The following ABCA13 variants were observed in gnomAD, a reference collection of about 807,000 sequenced individuals.
ABCA13 encodes the protein ATP binding cassette subfamily A member 13.
A neutral mutation model predicts 478.7 loss-of-function variants in ABCA13; 476 were observed. The ratio of observed to expected loss-of-function variants is 0.99; its 90% CI spans 0.92 to 1.07. The LOEUF (loss-of-function observed/expected upper bound fraction) is 1.07. Among genes scored for constraint, ABCA13 ranks in the 50% least tolerant of loss-of-function variants. The probability of loss-of-function intolerance (pLI) is 0.00; values close to 1 mark genes in which losing one functional copy is unlikely to be tolerated. For synonymous variants in ABCA13, 2,252 were observed against 2,158.9 expected (o/e 1.04, Z -1.20); for missense variants, 6,060 against 5,910.6 (o/e 1.03, Z -0.83).
At chr7:48,567,314 T>C (rs1211825911) in intron 55 of ABCA13, among the ~76,000 whole-genome samples, 1 of 152,140 alleles carries the variant, frequency 6.6e-6, no homozygotes, top group African/African-American at 2.4e-5. Flanking sequence ...AAAATGAGTA[T>C]GGGCCTTGGG....
At chr7:48,609,693 T>C (rs1791826406) in intron 58 of ABCA13, among the ~76,000 whole-genome samples, 1 of 152,224 alleles carries the variant, frequency 6.6e-6, no homozygotes, top group African/African-American at 2.4e-5. Context: ...TAGCCATATT[T>C]CTGTACTAAT....
chr7:48,276,191 A>G lies in ABCA13; in HGVS notation c.6525A>G (p.Ile2175Met), dbSNP rs1198582166. Residue 2175 changes from isoleucine (I) to methionine (M), a missense_variant, in exon 17 of 62, where the codon ATA (isoleucine) becomes ATG (methionine). By Grantham distance (10) the Ile-to-Met change is conservative. Coordinates refer to ENST00000435803, the MANE Select transcript of ABCA13 (RefSeq NM_152701.5). Reference sequence around the variant, plus strand: ...CTTTTTGGGGCTCTTTAAAAAATATATCTAGAGCAGGCAATTTTGATGTTG... The same window carrying G: ...CTTTTTGGGGCTCTTTAAAAAATATGTCTAGAGCAGGCAATTTTGATGTTG... ...IATFWGSLKN[I>M]SRAGNFDVAF... The G allele has an allele frequency of 2.5e-6, 4 of 1,591,948 alleles. No individual in the cohort carries two copies. In the South Asian group the frequency reaches 4.6e-5, roughly 18 times the overall value.
chr7:48,462,452 C>G (rs185598375), intron 43 of ABCA13, among the ~76,000 whole-genome samples: 22 of 152,012 alleles, frequency 1.4e-4, no homozygotes, highest in Middle Eastern at 6.8e-3. Context: ...TTCCCCCCCC[C>G]CTACTGTTTC....
At chr7:48,371,302 A>G (rs1412874717) in intron 32 of ABCA13, among the ~76,000 whole-genome samples, 1 of 152,058 alleles carries the variant, frequency 6.6e-6, no homozygotes, top group Non-Finnish European at 1.5e-5. Flanking sequence ...AAGTAGATTT[A>G]TCTAATTCTG....
At position 48,455,055 on chromosome 7, in the gene ABCA13, C is replaced by G. The variant is rs775123768; in HGVS notation, c.12584C>G (p.Pro4195Arg). 4.6e-6 allele frequency: 7 copies of G among 1,532,786 alleles called. No individual in the cohort carries two copies. Among genetic ancestry groups the G allele is most frequent in the Non-Finnish European group, 6.1e-6 (7 of 1,141,550 alleles). The allele number at this position is 1,532,786 out of a possible 1,614,324, so 94.9% of individuals were successfully genotyped here. ...CCTGCAGGTGGCTCCCTAGCACGGCCCGCAACTGTGCAGGGCGTCCAGCTG... is the reference window on the plus strand; with the variant it reads ...CCTGCAGGTGGCTCCCTAGCACGGCGCGCAACTGTGCAGGGCGTCCAGCTG... ...LSGYCGSLAR[P>R]ATVQGVQLLR... is the part of the protein sequence containing the mutation. Residue 4195 changes from proline to arginine, a missense_variant, in exon 43 of 62, where the codon CCC (proline) becomes CGC (arginine). By Grantham distance (103) the Pro-to-Arg change is moderately radical. Transcript: ENST00000435803.
chr7:48,581,739 A>C (rs1184868650), intron 56 of ABCA13, among the ~76,000 whole-genome samples: 1 of 152,214 alleles, frequency 6.6e-6, no homozygotes, highest in Non-Finnish European at 1.5e-5. Flanking sequence ...AATGGTAACC[A>C]ATTAGGAACT....
chr7:48,327,501 G>A (rs549925371), intron 27 of ABCA13, among the ~76,000 whole-genome samples: 200 of 152,208 alleles, frequency 1.3e-3, no homozygotes, highest in African/African-American at 4.5e-3. Flanking sequence ...CATATCAGAC[G>A]CTTTCCCAAG....
chr7:48,352,655 C>T (rs1198863355), intron 31 of ABCA13, among the ~76,000 whole-genome samples, 168 bp downstream of exon 31: 1 of 152,028 alleles, frequency 6.6e-6, no homozygotes, highest in East Asian at 1.9e-4. Context: ...TGCTTGTACT[C>T]TTCAGGTAGA....
At chr7:48,525,568 C>T (rs986349980) in intron 54 of ABCA13, among the ~76,000 whole-genome samples, 10 of 151,382 alleles carry the variant, frequency 6.6e-5, no homozygotes, top group African/African-American at 1.9e-4. Flanking sequence ...CAACCAAGTA[C>T]GGACAGCCAT....
At chr7:48,532,841 G>A (rs572278778) in intron 55 of ABCA13, among the ~76,000 whole-genome samples, 15 of 152,076 alleles carry the variant, frequency 9.9e-5, no homozygotes, top group African/African-American at 3.6e-4. Context: ...TGTAGTATCA[G>A]TAATAATATC....
rs757515869 is a variant in ABCA13 at position 48,626,685 on chromosome 7, C to T, written c.14837+11308C>T. The T allele has an allele frequency of 7.1e-6, 7 of 985,222 alleles. No homozygotes were observed. In the South Asian group the frequency reaches 1.4e-4, roughly 20 times the overall value. 61.0% of individuals were successfully genotyped at this position (985,222 alleles called of 1,614,324 possible). A position where few individuals can be genotyped will look rare whatever the true frequency, so the allele number is the denominator to read the frequency against. ...TGGGTGCAGGAGACGCTGAAGAACACGATAATAGAACTTTACAGCCGGCTG... is the reference window on the plus strand; with the variant it reads ...TGGGTGCAGGAGACGCTGAAGAACATGATAATAGAACTTTACAGCCGGCTG... On this transcript the variant is annotated intron_variant, in intron 59 of 61. Coordinates refer to ENST00000435803, the MANE Select transcript of ABCA13 (RefSeq NM_152701.5).
At chr7:48,497,680 C>T (rs1285895756) in intron 48 of ABCA13, among the ~76,000 whole-genome samples, 3 of 151,660 alleles carry the variant, frequency 2.0e-5, no homozygotes, top group African/African-American at 7.3e-5. Flanking sequence ...TGAGTGGGAC[C>T]AGATCGCCCA....
intron 5 of ABCA13, among the ~76,000 whole-genome samples, chr7:48,225,148 C>CCTTCCTTT (rs1788010598): frequency 1.4e-5 from 2 of 141,496 alleles, no homozygotes; most frequent in African/African-American, 5.3e-5. Context: ...TTCCTTCCTT[C>CCTTCCTTT]CTTCCTTCCT....
intron 27 of ABCA13, among the ~76,000 whole-genome samples, chr7:48,319,058 G>A (rs1266969575): frequency 6.6e-6 from 1 of 152,146 alleles, no homozygotes; most frequent in East Asian, 1.9e-4. Context: ...CAGGCTGTGG[G>A]GGGCAGCTGG....
At chr7:48,546,939 A>G (rs965925680) in intron 55 of ABCA13, among the ~76,000 whole-genome samples, 1 of 151,790 alleles carries the variant, frequency 6.6e-6, no homozygotes, top group African/African-American at 2.4e-5. Flanking sequence ...CTAGTTGACA[A>G]TTTAATTTTC....
intron 55 of ABCA13, among the ~76,000 whole-genome samples, chr7:48,568,264 G>A (rs374392676): frequency 1.3e-5 from 2 of 151,880 alleles, no homozygotes; most frequent in African/African-American, 2.4e-5. Flanking sequence ...ATATAAATAG[G>A]TTCATACAAT....
intron 55 of ABCA13, among the ~76,000 whole-genome samples, chr7:48,537,816 C>T (rs1291815401): frequency 1.3e-5 from 2 of 151,948 alleles, no homozygotes; most frequent in Non-Finnish European, 2.9e-5. Context: ...AGGGGTGACT[C>T]AGGACTGAGC....
chr7:48,327,539 C>T (rs1584864025), intron 27 of ABCA13, among the ~76,000 whole-genome samples: 1 of 152,092 alleles, frequency 6.6e-6, no homozygotes, highest in African/African-American at 2.4e-5. Flanking sequence ...CTCACAAGAA[C>T]CCCAGGGAGT....
At chr7:48,457,737 A>G (rs954243036) in intron 43 of ABCA13, among the ~76,000 whole-genome samples, 12 of 152,238 alleles carry the variant, frequency 7.9e-5, no homozygotes, top group Non-Finnish European at 1.5e-4. Context: ...TACACAGGCT[A>G]TCGTACCTGT....
Sources: gnomAD v4.1 joint callset for allele counts (sites outside exome capture counted in the v4.1 genomes callset) on GRCh38, gnomAD v4.1.1 for gene constraint, MANE v1.5 for transcripts, NCBI Gene and HGNC (gene_info 2026-07-23, HGNC 2026-07-21) for gene names.